The following AKAP13 variants were observed in gnomAD, a reference collection of about 807,000 sequenced individuals.
AKAP13 encodes the protein A-kinase anchor protein 13.
In AKAP13, 80 loss-of-function variants were observed where a neutral mutation model predicts 264.5. The ratio of observed to expected loss-of-function variants is 0.30; its 90% confidence interval spans 0.25 to 0.36. The LOEUF is 0.36. Ranked by LOEUF, AKAP13 falls within the 10% of genes least tolerant of loss-of-function variation. The pLI is 1.00. For missense variants in AKAP13, 3,712 were observed against 3,435.2 expected (o/e 1.08, Z -2.01); for synonymous variants, 1,380 against 1,250.2 (o/e 1.10, Z -2.19).
intron 1 of AKAP13, among the ~76,000 whole-genome samples, chr15:85,395,685 A>T (rs1257441578): frequency 2.0e-5 from 3 of 152,124 alleles, no homozygotes; most frequent in African/African-American, 7.2e-5. Flanking sequence ...CTGGTTTCCA[A>T]ACAATCCAAT....
chr15:85,449,014 T>C (rs1419385565), intron 1 of AKAP13, among the ~76,000 whole-genome samples: 4 of 152,260 alleles, frequency 2.6e-5, no homozygotes, highest in South Asian at 4.1e-4. Context: ...TTTAATGATA[T>C]TGATTCTTCC....
chr15:85,547,935 T>C (rs1388452813), intron 5 of AKAP13, among the ~76,000 whole-genome samples: 1 of 152,132 alleles, frequency 6.6e-6, no homozygotes, highest in Non-Finnish European at 1.5e-5. Flanking sequence ...GTCACCTAAC[T>C]AGTTAGTAAT....
chr15:85,666,156 T>G (rs1297599283), intron 13 of AKAP13, among the ~76,000 whole-genome samples: 1 of 152,202 alleles, frequency 6.6e-6, no homozygotes, highest in Non-Finnish European at 1.5e-5. Context: ...TGTAAAAGCG[T>G]TCCTATCTCT....
intron 17 of AKAP13, among the ~76,000 whole-genome samples, chr15:85,698,996 A>C (rs2151657904): frequency 6.6e-6 from 1 of 151,582 alleles, no homozygotes; most frequent in East Asian, 1.9e-4. Context: ...TGTGGGCCTA[A>C]TTCAGCCCAA....
chr15:85,381,332 T>C (rs2070242666), intron 1 of AKAP13, among the ~76,000 whole-genome samples: 1 of 151,762 alleles, frequency 6.6e-6, no homozygotes, highest in South Asian at 2.1e-4. Flanking sequence ...CGCCTGCCTG[T>C]CGGTGCCTCT....
rs770001037 is a variant in AKAP13, at chr15:85,582,060, A to G, written c.3992A>G (p.Glu1331Gly). 1 of 1,613,276 alleles carries G rather than the reference A, an allele frequency of 6.2e-7. No individual in the cohort carries two copies. Among genetic ancestry groups the G allele is most frequent in the South Asian group, 1.1e-5 (1 of 91,024 alleles). ...SLAGCFAGRE[E>G]PEKIILPVQG... is the part of the protein sequence containing the mutation. The stretch of plus-strand genomic sequence containing the variant: ...GCAGGATGTTTTGCTGGAAGGGAGG[A>G]GCCAGAGAAGATCATTTTACCTGTC... Residue 1331 changes from glutamate (E) to glycine (G), a missense_variant, in exon 7 of 37, where the codon GAG (glutamate) becomes GGG (glycine). By Grantham distance (98) the Glu-to-Gly change is moderately conservative. Around this residue, in one of 3 missense-constraint regions of AKAP13, gnomAD observed 2,759 missense variants for 2,411.7 expected, o/e 1.14. Coordinates refer to ENST00000394518, the MANE Select transcript of AKAP13 (RefSeq NM_007200.5).
intron 7 of AKAP13, among the ~76,000 whole-genome samples, chr15:85,585,488 C>T (rs2079301297): frequency 6.6e-6 from 1 of 152,154 alleles, no homozygotes; most frequent in Admixed American, 6.5e-5. Context: ...GTTCCAAGCG[C>T]CTACAAAGGC....
chr15:85,559,873 A>G (rs1279497054), intron 5 of AKAP13, among the ~76,000 whole-genome samples: 1 of 152,124 alleles, frequency 6.6e-6, no homozygotes, highest in Non-Finnish European at 1.5e-5. Context: ...GCTTTATTTA[A>G]TCACTTATAA....
intron 1 of AKAP13, among the ~76,000 whole-genome samples, chr15:85,441,872 A>C (rs73448282): frequency 6.6e-5 from 10 of 152,116 alleles, no homozygotes; most frequent in African/African-American, 2.4e-4. Context: ...GGAGGAAAGG[A>C]GTTTGTCTTG....
chr15:85,655,609 A>G lies in AKAP13; in HGVS notation c.4567A>G (p.Ser1523Gly). 1 of 1,613,530 alleles carries G rather than the reference A, an allele frequency of 6.2e-7. No homozygotes were observed. Among genetic ancestry groups the G allele is most frequent in the South Asian group, 1.1e-5 (1 of 91,082 alleles). Reference sequence around the variant, plus strand: ...TGGGATGGGAGCTGAGGGTCGAGAAAGTGAGAGTGAGCCTGCTGACCCAGG... The same window carrying G: ...TGGGATGGGAGCTGAGGGTCGAGAAGGTGAGAGTGAGCCTGCTGACCCAGG... ...SHGMGAEGRE[S>G]ESEPADPGDV... is the part of the protein sequence containing the mutation. The change falls in exon 11 of 37, where the codon AGT becomes GGT. Residue 1523 changes from serine (S) to glycine (G), a missense_variant. Around this residue, in one of 3 missense-constraint regions of AKAP13, gnomAD observed 2,759 missense variants for 2,411.7 expected, o/e 1.14. Transcript: ENST00000394518.
Position 85,727,360 on chromosome 15 carries a change from G to A in AKAP13, c.7005-21G>A, listed in dbSNP as rs762454955. 6.2e-7 allele frequency: 1 copy of A among 1,614,026 alleles called. No individual in the cohort carries two copies. The highest frequency in any genetic ancestry group is 8.5e-7 in the Non-Finnish European group (1 of 1,179,970). On this transcript the variant is annotated intron_variant, in intron 28 of 36. Coordinates refer to ENST00000394518, the MANE Select transcript of AKAP13 (RefSeq NM_007200.5). This position sits in a 1 kb window ranked among gnomAD's most constrained non-coding sequence, Gnocchi z 5.3. ...TGACATCTTAGGAATTTTTTGTTCT[G>A]TCTTGTTTGGGTTGTATTAGGAACA...
At position 85,458,386 on chromosome 15, in the gene AKAP13, G is replaced by GTTTTTTTTTTTTTT. The variant is rs1160050565; in HGVS notation, c.-11-27318_-11-27317insTTTTTTTTTTTTTT. On this transcript the variant is annotated intron_variant, in intron 1 of 36. Coordinates refer to ENST00000394518, the MANE Select transcript of AKAP13 (RefSeq NM_007200.5). ...TTTTTTCTCTTTTTTTGTATTTTTT[G>GTTTTTTTTTTTTTT]TTTTTTGTTTTTTTTTTTTTTTACT... 4.1e-4 allele frequency among the ~76,000 whole-genome samples: 43 copies of GTTTTTTTTTTTTTT among 103,858 alleles called. 2 individuals carry two copies. The highest frequency in any genetic ancestry group is 2.1e-3 in the African/African-American group (41 of 19,526). 68.1% of individuals were successfully genotyped at this position (103,858 alleles called of 152,430 possible). A position where few individuals can be genotyped will look rare whatever the true frequency, so the allele number is the denominator to read the frequency against.
chr15:85,439,477 C>T (rs1478881308), intron 1 of AKAP13, among the ~76,000 whole-genome samples: 2 of 151,754 alleles, frequency 1.3e-5, no homozygotes, highest in African/African-American at 4.9e-5. Flanking sequence ...TGGGTATATA[C>T]CCAAATGACT....
chr15:85,524,011 T>G (rs1427461608), intron 3 of AKAP13, among the ~76,000 whole-genome samples: 1 of 152,224 alleles, frequency 6.6e-6, no homozygotes, highest in Non-Finnish European at 1.5e-5. Context: ...GTCCATGCAG[T>G]GCACTGTGCA....
At position 85,612,041 on chromosome 15, in the gene AKAP13, A is replaced by G. The variant is rs186925504; in HGVS notation, c.4161+26218A>G. On this transcript the variant is annotated intron_variant, in intron 8 of 36. Coordinates refer to ENST00000394518, the MANE Select transcript of AKAP13 (RefSeq NM_007200.5). ...CCTCGATGCCAAGCGTACATGTTTA[A>G]TAAATAGTTGCCTAATGATTAAACT... Among the ~76,000 whole-genome samples, 9 of 152,370 alleles carry G rather than the reference A, an allele frequency of 5.9e-5. No individual in the cohort carries two copies. The East Asian group carries it at 1.5e-3, about 26-fold the overall frequency.
rs2089411918 is a variant in AKAP13 at position 85,747,728 on chromosome 15, C to T, written c.*3051C>T. On this transcript the variant is annotated 3_prime_UTR_variant, in exon 37 of 37. Coordinates refer to ENST00000394518, the MANE Select transcript of AKAP13 (RefSeq NM_007200.5). ...AGGGTTAAAAACATGCAAACTGCCA[C>T]TTTCAACCTTTGCCAGTATTCCCTC... 6.6e-6 allele frequency: 1 copy of T among 152,656 alleles called. No homozygotes were observed. Among genetic ancestry groups the T allele is most frequent in the African/African-American group, 2.4e-5 (1 of 41,440 alleles). The allele number at this position is 152,656 out of a possible 1,614,324, so 9.5% of individuals were successfully genotyped here. A position where few individuals can be genotyped will look rare whatever the true frequency, so the allele number is the denominator to read the frequency against.
chr15:85,411,688 C>T (rs527492315), intron 1 of AKAP13, among the ~76,000 whole-genome samples: 4 of 152,324 alleles, frequency 2.6e-5, no homozygotes, highest in East Asian at 1.9e-4. Context: ...CCGCCTGCCT[C>T]GGCCTCCTGA....
At chr15:85,628,961 G>A (rs2081563620) in intron 8 of AKAP13, among the ~76,000 whole-genome samples, 1 of 152,160 alleles carries the variant, frequency 6.6e-6, no homozygotes, top group Admixed American at 6.5e-5. Context: ...GGGAAGCCGA[G>A]GTGGGAGGAT....
intron 1 of AKAP13, among the ~76,000 whole-genome samples, chr15:85,402,608 TA>T (rs1487697648): frequency 6.6e-6 from 1 of 152,216 alleles, no homozygotes; most frequent in Non-Finnish European, 1.5e-5. Flanking sequence ...GAAATCCTGA[TA>T]AAAAGATGCA....
Sources: gnomAD v4.1 joint callset for allele counts (sites outside exome capture counted in the v4.1 genomes callset) on GRCh38, gnomAD v4.1.1 for gene constraint, gnomAD v4.1.1 regional missense constraint, Gnocchi (gnomAD v3.1) non-coding constraint, MANE v1.5 for transcripts, NCBI Gene and HGNC (gene_info 2026-07-23, HGNC 2026-07-21) for gene names.